The following NFIC variants were observed in gnomAD, a reference collection of about 807,000 sequenced individuals.
NFIC encodes the protein nuclear factor 1 C-type.
A neutral mutation model predicts 54.4 loss-of-function variants in NFIC; 12 were observed. That is an observed-to-expected ratio of 0.22 (90% CI 0.14 to 0.36). The LOEUF is 0.36. Among genes scored for constraint, NFIC ranks in the 10% least tolerant of loss-of-function variants. NFIC has a pLI of 1.00. For missense variants in NFIC, 575 were observed against 718.2 expected (o/e 0.80, Z 2.28); for synonymous variants, 322 against 319.2 (o/e 1.01, Z -0.09).
rs935177092 is a variant in NFIC, at chr19:3,453,486, C to T, written c.1270-277C>T. On this transcript the variant is annotated intron_variant, in intron 8 of 10. Coordinates refer to ENST00000443272, the MANE Select transcript of NFIC (RefSeq NM_001245002.2). This position sits in a 1 kb window ranked among gnomAD's most constrained non-coding sequence, Gnocchi z 6.7. Reference sequence around the variant, plus strand: ...GCGGTGGCACTGTTTGGAAGGAAATCAGTCGAGTTGGCGTGCAGGGGGTTT... The same window carrying T: ...GCGGTGGCACTGTTTGGAAGGAAATTAGTCGAGTTGGCGTGCAGGGGGTTT... Among the ~76,000 whole-genome samples the T allele has an allele frequency of 6.6e-6, 1 of 152,200 alleles. No individual in the cohort carries two copies. The highest frequency in any genetic ancestry group is 2.4e-5 in the African/African-American group (1 of 41,450).
chr19:3,411,391 G>A (rs1436502764), intron 2 of NFIC, among the ~76,000 whole-genome samples: 2 of 136,996 alleles, frequency 1.5e-5, no homozygotes, highest in Non-Finnish European at 3.1e-5. Flanking sequence ...GCAGTGGCAC[G>A]ATCTCGGTTC....
At chr19:3,444,880 T>C (rs1001498388) in intron 6 of NFIC, among the ~76,000 whole-genome samples, 2 of 151,282 alleles carry the variant, frequency 1.3e-5, no homozygotes, top group Admixed American at 6.6e-5. Flanking sequence ...TGCACACATG[T>C]ATGCATGCAT....
At chr19:3,433,450 G>T in intron 3 of NFIC, 68 bp from the exon 4 acceptor site, 1 of 1,530,298 alleles carries the variant, frequency 6.5e-7, no homozygotes. Context: ...AGTCCAGGCA[G>T]CCCTGGAGTG....
At chr19:3,429,849 C>G (rs968260044) in intron 3 of NFIC, among the ~76,000 whole-genome samples, 1 of 152,312 alleles carries the variant, frequency 6.6e-6, no homozygotes, top group East Asian at 1.9e-4. Flanking sequence ...TTCCCAGTGC[C>G]GGGAACATCG....
Position 3,453,720 on chromosome 19 carries a change from G to A in NFIC, c.1270-43G>A. Reference sequence around the variant, plus strand: ...GCCGGCGCCAGCAGCCCGAGGTAGAGGGGGAGCCCACCCCTTAACCACGTG... The same window carrying A: ...GCCGGCGCCAGCAGCCCGAGGTAGAAGGGGAGCCCACCCCTTAACCACGTG... On this transcript the variant is annotated intron_variant, in intron 8 of 10. Transcript: ENST00000443272. This position sits in a 1 kb window ranked among gnomAD's most constrained non-coding sequence, Gnocchi z 6.7. 3 of 1,568,604 alleles carry A rather than the reference G, an allele frequency of 1.9e-6. No homozygotes were observed.
intron 2 of NFIC, among the ~76,000 whole-genome samples, chr19:3,415,713 A>G (rs2081843051): frequency 6.6e-6 from 1 of 152,038 alleles, no homozygotes; most frequent in South Asian, 2.1e-4. Context: ...CTTTTCGTAA[A>G]TGCTCTCCCT....
chr19:3,441,411 T>C (rs1253036625), intron 6 of NFIC, among the ~76,000 whole-genome samples: 2 of 152,096 alleles, frequency 1.3e-5, no homozygotes, highest in African/African-American at 4.8e-5. Flanking sequence ...TGGCCATCAG[T>C]TGACAAGTGG....
chr19:3,445,811 C>G (rs976824811), intron 6 of NFIC, among the ~76,000 whole-genome samples: 8 of 152,154 alleles, frequency 5.3e-5, no homozygotes, highest in African/African-American at 1.9e-4. Flanking sequence ...TGGGGAGGGC[C>G]TGTACCACAC....
chr19:3,408,751 G>A (rs1231257694), intron 2 of NFIC, among the ~76,000 whole-genome samples: 2 of 152,078 alleles, frequency 1.3e-5, no homozygotes, highest in African/African-American at 2.4e-5. Context: ...ATAGGCGACC[G>A]CCACCACACC....
chr19:3,399,347 C>T (rs765575056), intron 2 of NFIC, among the ~76,000 whole-genome samples: 16 of 151,338 alleles, frequency 1.1e-4, no homozygotes, highest in African/African-American at 1.9e-4. Context: ...GAGGCTGAGA[C>T]GGGAGGATCA....
rs2082662240 is a variant in NFIC, at chr19:3,462,900, G to A, written c.*131G>A. 2.6e-6 allele frequency: 4 copies of A among 1,552,980 alleles called. No homozygotes were observed. In the Admixed American group the frequency reaches 8.0e-5, roughly 31 times the overall value. On this transcript the variant is annotated 3_prime_UTR_variant, in exon 11 of 11. Coordinates refer to ENST00000443272, the MANE Select transcript of NFIC (RefSeq NM_001245002.2). ...AACACCCCTGCCGACTCCCAGCCCG[G>A]CCAAAAAGACAAAACACATAGACGC...
At position 3,464,312 on chromosome 19, in the gene NFIC, C is replaced by G. The variant is rs2082686309; in HGVS notation, c.*1543C>G. The G allele has an allele frequency of 1.0e-6, 1 of 985,142 alleles. No individual in the cohort carries two copies. Among genetic ancestry groups the G allele is most frequent in the Admixed American group, 6.1e-5 (1 of 16,262 alleles). 61.0% of individuals were successfully genotyped at this position (985,142 alleles called of 1,614,324 possible). ...CGGCGTCGCACCTTGGGGCCCCCCGCAGCCGTGTAGGGGGCCTCCCATCTG... is the reference window on the plus strand; with the variant it reads ...CGGCGTCGCACCTTGGGGCCCCCCGGAGCCGTGTAGGGGGCCTCCCATCTG... On this transcript the variant is annotated 3_prime_UTR_variant, in exon 11 of 11. Coordinates refer to ENST00000443272, the MANE Select transcript of NFIC (RefSeq NM_001245002.2).
chr19:3,449,052 T>G lies in NFIC; in HGVS notation c.997T>G (p.Ser333Ala). The stretch of plus-strand genomic sequence containing the variant: ...GGTGAAGAAGACAGAGATGGACAAG[T>G]CACCATTCAACAGCCCGTCCCCCCA... Reference protein sequence around the residue: ...SPVKKTEMDKSPFNSPSPQDS... With the variant: ...SPVKKTEMDKAPFNSPSPQDS... The change falls in exon 7 of 11, where the codon TCA (serine) becomes GCA (alanine). Residue 333 changes from serine to alanine, a missense_variant. Ser to Ala is a moderately conservative substitution (Grantham distance 99, BLOSUM62 1). Coordinates refer to ENST00000443272, the MANE Select transcript of NFIC (RefSeq NM_001245002.2). 1 of 1,613,012 alleles carries G rather than the reference T, an allele frequency of 6.2e-7. No individual in the cohort carries two copies. Among genetic ancestry groups the G allele is most frequent in the Non-Finnish European group, 8.5e-7 (1 of 1,179,646 alleles).
At chr19:3,461,739 TAGAG>T (rs1281035026) in intron 10 of NFIC, among the ~76,000 whole-genome samples, 1 of 146,710 alleles carries the variant, frequency 6.8e-6, no homozygotes, top group African/African-American at 2.5e-5. Context: ...AAATAATAAA[TAGAG>T]AAGAAAATAA....
intron 9 of NFIC, chr19:3,454,186 G>C: frequency 1.6e-6 from 2 of 1,247,714 alleles, no homozygotes; most frequent in Non-Finnish European, 2.0e-6. Context: ...CCCGGTGCCC[G>C]CCGTGGGCCG....
intron 2 of NFIC, among the ~76,000 whole-genome samples, chr19:3,403,446 C>CT (rs2081588455): frequency 6.6e-6 from 1 of 152,226 alleles, no homozygotes; most frequent in African/African-American, 2.4e-5. Context: ...TTGACATCTA[C>CT]TTTTTGCAGC....
At chr19:3,360,628 C>G (rs545072744) in intron 1 of NFIC, among the ~76,000 whole-genome samples, 2 of 152,338 alleles carry the variant, frequency 1.3e-5, no homozygotes, top group East Asian at 3.9e-4. Flanking sequence ...CTTTCTGTGT[C>G]CGCGTGTGTC....
rs1307134108 is a variant in NFIC, at chr19:3,453,873, C to T, written c.1380C>T (p.Pro460=). The T allele has an allele frequency of 1.8e-5, 28 of 1,563,810 alleles. No individual in the cohort carries two copies. Among genetic ancestry groups the T allele is most frequent in the Non-Finnish European group, 2.2e-5 (25 of 1,156,118 alleles). ...PRLALPPATK[P]ATTSEGGATS... is the part of the protein sequence containing the mutation. ...TGGCGCTCCCCCCTGCCACCAAACC[C>T]GCCACCACCTCCGAGGGAGGAGCCA... Residue 460 remains proline (P), a synonymous_variant, in exon 9 of 11, where the codon CCC becomes CCT. Transcript: ENST00000443272. The surrounding 1 kb of genome is among the most constrained non-coding windows in gnomAD (Gnocchi z 6.7).
chr19:3,456,373 C>T (rs1054298691), intron 9 of NFIC, among the ~76,000 whole-genome samples, 177 bp from the exon 10 acceptor site: 6 of 152,184 alleles, frequency 3.9e-5, no homozygotes, highest in African/African-American at 1.4e-4. Context: ...GGACCTTGGG[C>T]CTTTCAGGGG....
Sources: gnomAD v4.1 joint callset for allele counts (sites outside exome capture counted in the v4.1 genomes callset) on GRCh38, gnomAD v4.1.1 for gene constraint, Gnocchi (gnomAD v3.1) non-coding constraint, MANE v1.5 for transcripts, NCBI Gene and HGNC (gene_info 2026-07-23, HGNC 2026-07-21) for gene names.